MVB12B: variants seen among roughly 807,000 people sequenced by gnomAD.
The protein encoded by MVB12B is multivesicular body subunit 12B, also known as ESCRT-I complex subunit MVB12B.
Under a neutral mutation model 41.6 loss-of-function variants are expected in MVB12B, and 16 were observed. The ratio of observed to expected loss-of-function variants is 0.38; its 90% CI spans 0.26 to 0.58. The LOEUF is 0.58. MVB12B is among the 20% of genes least tolerant of loss of function. The pLI is 0.62. For missense variants in MVB12B, 274 were observed against 380.2 expected (o/e 0.72, Z 2.32); for synonymous variants, 133 against 139.7 (o/e 0.95, Z 0.34).
intron 2 of MVB12B, among the ~76,000 whole-genome samples, chr9:126,354,445 T>G (rs370056621): frequency 1.3e-5 from 2 of 152,308 alleles, no homozygotes; most frequent in African/African-American, 4.8e-5. Context: ...AACTAGGAGG[T>G]GATATTTTTA....
intron 3 of MVB12B, among the ~76,000 whole-genome samples, chr9:126,381,875 A>C (rs1352266994): frequency 5.3e-5 from 8 of 151,898 alleles, no homozygotes; most frequent in Non-Finnish European, 1.0e-4. Flanking sequence ...TACCAGTGGA[A>C]GTTCCTTTCC....
chr9:126,390,726 C>T (rs550315269), intron 4 of MVB12B, among the ~76,000 whole-genome samples: 42 of 152,198 alleles, frequency 2.8e-4, no homozygotes, highest in Non-Finnish European at 4.9e-4. Context: ...TTTGGGAGGC[C>T]AAGGAGGGTG....
chr9:126,428,625 T>TTC (rs1217034133), intron 7 of MVB12B, among the ~76,000 whole-genome samples: 2 of 152,198 alleles, frequency 1.3e-5, no homozygotes, highest in Non-Finnish European at 2.9e-5. Flanking sequence ...AGAAGCGCTG[T>TTC]TCTCTCCTGT....
intron 7 of MVB12B, among the ~76,000 whole-genome samples, chr9:126,438,636 G>A (rs1269081838): frequency 6.6e-6 from 1 of 152,202 alleles, no homozygotes; most frequent in Non-Finnish European, 1.5e-5. Context: ...AAATGGGACT[G>A]AGGGACTGTC....
At chr9:126,357,898 G>A (rs936434698) in intron 2 of MVB12B, among the ~76,000 whole-genome samples, 1 of 151,910 alleles carries the variant, frequency 6.6e-6, no homozygotes, top group Non-Finnish European at 1.5e-5. Flanking sequence ...ATCTTTGCTA[G>A]CCCTAAGGTC....
intron 6 of MVB12B, among the ~76,000 whole-genome samples, chr9:126,420,487 G>T (rs192038770): frequency 1.3e-5 from 2 of 151,572 alleles, no homozygotes; most frequent in Non-Finnish European, 2.9e-5. Flanking sequence ...CCCCTGGAAG[G>T]CTCCTTCCGG....
chr9:126,419,946 G>A (rs1831953258), intron 6 of MVB12B, among the ~76,000 whole-genome samples: 1 of 152,086 alleles, frequency 6.6e-6, no homozygotes, highest in African/African-American at 2.4e-5. Context: ...TTGAACCCAA[G>A]CCTCTTGTAA....
Position 126,376,432 on chromosome 9 carries a change from G to C in MVB12B, c.205-4632G>C, listed in dbSNP as rs148482556. On this transcript the variant is annotated intron_variant, in intron 2 of 9. Coordinates refer to ENST00000361171, the MANE Select transcript of MVB12B (RefSeq NM_033446.3). The surrounding 1 kb of genome is among the most constrained non-coding windows in gnomAD (Gnocchi z 4.1). ...CAGTGCCTGGTGACCCTTTGTTGTGGGTTGGGATTTAAGATGGAGGCACCA... is the reference window on the plus strand; with the variant it reads ...CAGTGCCTGGTGACCCTTTGTTGTGCGTTGGGATTTAAGATGGAGGCACCA... 9.0e-7 allele frequency: 1 copy of C among 1,112,738 alleles called. No homozygotes were observed. Among genetic ancestry groups the C allele is most frequent in the Non-Finnish European group, 1.2e-6 (1 of 828,810 alleles). The allele number at this position is 1,112,738 out of a possible 1,614,324, so 68.9% of individuals were successfully genotyped here.
chr9:126,403,624 C>T (rs1385081173), intron 6 of MVB12B, among the ~76,000 whole-genome samples: 1 of 152,188 alleles, frequency 6.6e-6, no homozygotes, highest in Non-Finnish European at 1.5e-5. Context: ...ACAGAAATAG[C>T]AATGATGATC....
intron 7 of MVB12B, among the ~76,000 whole-genome samples, chr9:126,450,941 C>T (rs568026553): frequency 6.6e-6 from 1 of 152,326 alleles, no homozygotes; most frequent in East Asian, 1.9e-4. Flanking sequence ...CCAGCTGTGC[C>T]ACCCAGCCCA....
intron 7 of MVB12B, among the ~76,000 whole-genome samples, chr9:126,455,810 A>G (rs765476020): frequency 2.0e-5 from 3 of 151,566 alleles, no homozygotes; most frequent in Non-Finnish European, 4.4e-5. Context: ...TGAGCCTCTA[A>G]TGCTCCCTGT....
intron 2 of MVB12B, among the ~76,000 whole-genome samples, chr9:126,351,384 A>G (rs1273809355): frequency 1.3e-5 from 2 of 148,420 alleles, no homozygotes; most frequent in African/African-American, 2.5e-5. Flanking sequence ...TTCTTGCCTT[A>G]TTGCAAAGGA....
intron 3 of MVB12B, among the ~76,000 whole-genome samples, chr9:126,385,470 G>C (rs1006352522): frequency 2.0e-5 from 3 of 152,200 alleles, no homozygotes; most frequent in Admixed American, 1.3e-4. Flanking sequence ...CATGTGCAGA[G>C]ATGGAGGTAG....
rs1170778057 is a variant in MVB12B at position 126,436,368 on chromosome 9, G to A, written c.757+14420G>A. Among the ~76,000 whole-genome samples, 1 of 152,210 alleles carries A rather than the reference G, an allele frequency of 6.6e-6. No individual in the cohort carries two copies. Among genetic ancestry groups the A allele is most frequent in the Non-Finnish European group, 1.5e-5 (1 of 68,038 alleles). On this transcript the variant is annotated intron_variant, in intron 7 of 9. Coordinates refer to ENST00000361171, the MANE Select transcript of MVB12B (RefSeq NM_033446.3). This position sits in a 1 kb window ranked among gnomAD's most constrained non-coding sequence, Gnocchi z 4.1. ...TTGGGAAAAAGAACCTACAAGTTAT[G>A]AACTTTGCAGAGCAGCAGTTCTTAT...
intron 3 of MVB12B, among the ~76,000 whole-genome samples, chr9:126,384,186 C>T (rs574329688): frequency 2.2e-4 from 33 of 152,240 alleles, no homozygotes; most frequent in African/African-American, 6.7e-4. Context: ...CCTTCCTACA[C>T]GGTCAGAGAT....
intron 7 of MVB12B, chr9:126,427,052 C>T (rs981346081): frequency 6.6e-6 from 1 of 152,174 alleles, no homozygotes; most frequent in African/African-American, 2.4e-5. Flanking sequence ...CATATTAAAG[C>T]TAGTAGACGT....
At position 126,503,171 on chromosome 9, in the gene MVB12B, C is replaced by A; in HGVS notation, c.874-6C>A. On this transcript the variant is annotated splice_region_variant and splice_polypyrimidine_tract_variant and intron_variant, in intron 9 of 9. Coordinates refer to ENST00000361171, the MANE Select transcript of MVB12B (RefSeq NM_033446.3). ...TGTGTCTCTCTGTCCCCACCCGCCCCTGCAGTACGAGTACAGCTTCCGCAC... is the reference window on the plus strand; with the variant it reads ...TGTGTCTCTCTGTCCCCACCCGCCCATGCAGTACGAGTACAGCTTCCGCAC... 6.5e-7 allele frequency: 1 copy of A among 1,550,136 alleles called. No individual in the cohort carries two copies. The highest frequency in any genetic ancestry group is 8.7e-7 in the Non-Finnish European group (1 of 1,146,396).
At chr9:126,443,640 CTT>C (rs1353545193) in intron 7 of MVB12B, among the ~76,000 whole-genome samples, 9 of 152,192 alleles carry the variant, frequency 5.9e-5, no homozygotes, top group Non-Finnish European at 1.3e-4. Flanking sequence ...CCTTTTAACA[CTT>C]TTTCTATGCC....
intron 7 of MVB12B, among the ~76,000 whole-genome samples, chr9:126,432,170 ATCT>A (rs1172117575): frequency 2.0e-5 from 3 of 152,226 alleles, no homozygotes; most frequent in Non-Finnish European, 4.4e-5. Flanking sequence ...CTGTATGTTT[ATCT>A]TCTTTGTCTA....
Sources: allele counts gnomAD v4.1 joint callset (sites outside exome capture counted in the v4.1 genomes callset), GRCh38; gene constraint gnomAD v4.1.1; non-coding constraint Gnocchi (gnomAD v3.1); transcripts MANE v1.5; gene names NCBI Gene and HGNC (gene_info 2026-07-23, HGNC 2026-07-21).